The following ENOX1 variants were observed in gnomAD, a reference collection of about 807,000 sequenced individuals.
The protein encoded by ENOX1 is ecto-NOX disulfide-thiol exchanger 1, also known as candidate growth-related and time keeping constitutive hydroquinone (NADH) oxidase.
A neutral mutation model predicts 82.5 loss-of-function variants in ENOX1; 42 were observed. The ratio of observed to expected loss-of-function variants is 0.51; its 90% CI spans 0.40 to 0.66. The LOEUF is 0.66. Among genes scored for constraint, ENOX1 ranks in the 30% least tolerant of loss-of-function variants. The pLI, the probability that ENOX1 is intolerant of heterozygous loss-of-function variation, is 0.00. For synonymous variants in ENOX1, 271 were observed against 282.2 expected (o/e 0.96, Z 0.40); for missense variants, 608 against 811.6 (o/e 0.75, Z 3.05).
At chr13:43,222,613 GA>G (rs2041849811) in intron 16 of ENOX1, among the ~76,000 whole-genome samples, 1 of 152,210 alleles carries the variant, frequency 6.6e-6, no homozygotes. Flanking sequence ...CAGTACAAGG[GA>G]AGGATGGTAG....
intron 3 of ENOX1, chr13:43,459,178 C>T (rs2057356321): frequency 6.6e-6 from 1 of 152,074 alleles, no homozygotes; most frequent in African/African-American, 2.4e-5. Context: ...TATGTGGTAC[C>T]ATCAACATTT....
chr13:43,415,263 AT>A (rs2054391537), intron 3 of ENOX1, among the ~76,000 whole-genome samples: 1 of 43,942 alleles, frequency 2.3e-5, no homozygotes, highest in African/African-American at 8.4e-5. Flanking sequence ...TTTTTTTAGT[AT>A]TTATTGATCA....
rs781297966 is a variant in ENOX1 at position 43,361,462 on chromosome 13, A to T, written c.209-10T>A. Reference sequence around the variant, plus strand: ...GGGACACAGATTGAGTCTGTAAAGTATACAAGATAACATTTTGACTGGAGA... The same window carrying T: ...GGGACACAGATTGAGTCTGTAAAGTTTACAAGATAACATTTTGACTGGAGA... On this transcript the variant is annotated splice_polypyrimidine_tract_variant and intron_variant, in intron 5 of 16. Transcript: ENST00000690772. 1 of 1,591,072 alleles carries T rather than the reference A, an allele frequency of 6.3e-7. No homozygotes were observed. Among genetic ancestry groups the T allele is most frequent in the Non-Finnish European group, 8.5e-7 (1 of 1,174,330 alleles).
At chr13:43,785,043 A>T (rs1952490264) in intron 1 of ENOX1, among the ~76,000 whole-genome samples, 1 of 152,234 alleles carries the variant, frequency 6.6e-6, no homozygotes, top group African/African-American at 2.4e-5. Flanking sequence ...AAGCACTTTA[A>T]CTGTTTAACG....
chr13:43,235,652 A>G (rs2042504472), intron 15 of ENOX1, among the ~76,000 whole-genome samples: 1 of 151,884 alleles, frequency 6.6e-6, no homozygotes, highest in Non-Finnish European at 1.5e-5. Flanking sequence ...GAATCACTTG[A>G]ACCCGGCAGA....
intron 14 of ENOX1, among the ~76,000 whole-genome samples, chr13:43,250,177 C>A (rs2043370667): frequency 6.6e-6 from 1 of 152,204 alleles, no homozygotes. Context: ...TTAGTGGCAT[C>A]ATGACTGGGC....
chr13:43,263,502 AC>A (rs1246147775), intron 14 of ENOX1, among the ~76,000 whole-genome samples: 2 of 152,222 alleles, frequency 1.3e-5, no homozygotes, highest in Non-Finnish European at 2.9e-5. Flanking sequence ...ATCTCACTTT[AC>A]TTTTTCCATT....
At chr13:43,397,919 C>T (rs1477116604) in intron 5 of ENOX1, among the ~76,000 whole-genome samples, 2 of 152,204 alleles carry the variant, frequency 1.3e-5, no homozygotes, top group African/African-American at 4.8e-5. Flanking sequence ...AAGACCAAGG[C>T]ACTTGGAAGA....
chr13:43,730,111 ATC>A (rs1179962482), intron 1 of ENOX1, among the ~76,000 whole-genome samples: 7 of 152,168 alleles, frequency 4.6e-5, no homozygotes, highest in Non-Finnish European at 8.8e-5. Flanking sequence ...GATAGGAGCA[ATC>A]TCTTCTACTC....
intron 2 of ENOX1, among the ~76,000 whole-genome samples, chr13:43,509,388 A>T (rs1412560089): frequency 6.6e-6 from 1 of 152,010 alleles, no homozygotes; most frequent in Non-Finnish European, 1.5e-5. Flanking sequence ...CTGATTTCCT[A>T]TGAGAAAGAT....
At chr13:43,556,464 C>CTCAA (rs751366584) in intron 2 of ENOX1, among the ~76,000 whole-genome samples, 2 of 152,074 alleles carry the variant, frequency 1.3e-5, no homozygotes, top group Non-Finnish European at 2.9e-5. Context: ...TTCTTATAAG[C>CTCAA]TCAAATTACT....
At chr13:43,668,958 T>G (rs1438130448) in intron 1 of ENOX1, among the ~76,000 whole-genome samples, 1 of 152,242 alleles carries the variant, frequency 6.6e-6, no homozygotes, top group African/African-American at 2.4e-5. Context: ...GCTTCTTTAA[T>G]ATTTGTATGC....
At chr13:43,623,759 G>A (rs752705742) in intron 2 of ENOX1, among the ~76,000 whole-genome samples, 2 of 152,022 alleles carry the variant, frequency 1.3e-5, no homozygotes, top group Non-Finnish European at 2.9e-5. Flanking sequence ...TGATGATCCC[G>A]CTCCTCCTTT....
intron 2 of ENOX1, among the ~76,000 whole-genome samples, chr13:43,597,241 G>A (rs1465395849): frequency 3.9e-5 from 6 of 152,102 alleles, no homozygotes; most frequent in East Asian, 1.9e-4. Flanking sequence ...GCCCTCCTCC[G>A]ATACGTGGGG....
At chr13:43,636,350 T>C (rs538633025) in intron 2 of ENOX1, among the ~76,000 whole-genome samples, 1 of 152,324 alleles carries the variant, frequency 6.6e-6, no homozygotes, top group East Asian at 1.9e-4. Flanking sequence ...AACTGTTTCA[T>C]GGAACCATGG....
In ENOX1 at chr13:43,269,533, T is replaced by C. The variant is rs565474708; in HGVS notation, c.1491A>G (p.Glu497=). The C allele has an allele frequency of 7.4e-6, 12 of 1,613,898 alleles. No homozygotes were observed. In the South Asian group the frequency reaches 1.3e-4, roughly 18 times the overall value. The change falls in exon 13 of 17, where the codon GAA becomes GAG. Residue 497 remains glutamate, a synonymous_variant. Transcript: ENST00000690772. ...ACTGCTCTTCCTTTGCTTGTTCCAA[T>C]TCTGACTTTTTGTTGTTTAACTCCT... ...IQEELNNKKS[E]LEQAKEEQSH...
intron 9 of ENOX1, among the ~76,000 whole-genome samples, chr13:43,336,611 G>A (rs1263744094): frequency 1.3e-5 from 2 of 152,214 alleles, no homozygotes; most frequent in Non-Finnish European, 2.9e-5. Context: ...TTTGCACAGA[G>A]TAATATCTGA....
chr13:43,581,509 A>C (rs2080738706), intron 2 of ENOX1, among the ~76,000 whole-genome samples: 1 of 152,190 alleles, frequency 6.6e-6, no homozygotes, highest in Non-Finnish European at 1.5e-5. Flanking sequence ...GGAAAAGTCC[A>C]TTTCTTACAT....
At chr13:43,554,766 G>A (rs2079358219) in intron 2 of ENOX1, among the ~76,000 whole-genome samples, 1 of 152,020 alleles carries the variant, frequency 6.6e-6, no homozygotes. Flanking sequence ...TTGTAGAGAC[G>A]GAGTTTCACC....
Sources: allele counts gnomAD v4.1 joint callset (sites outside exome capture counted in the v4.1 genomes callset), GRCh38; gene constraint gnomAD v4.1.1; transcripts MANE v1.5; gene names NCBI Gene and HGNC (gene_info 2026-07-23, HGNC 2026-07-21).